GIT2: variants seen among roughly 807,000 people sequenced by gnomAD.
GIT2 encodes ARF GTPase-activating protein GIT2.
GIT2 carries 32 observed loss-of-function variants against 100.3 expected under a neutral mutation model. That is an observed-to-expected ratio of 0.32 (90% CI 0.24 to 0.43). The LOEUF (loss-of-function observed/expected upper bound fraction) is 0.43. Among genes scored for constraint, GIT2 ranks in the 20% least tolerant of loss-of-function variants. GIT2 has a pLI of 1.00. For missense variants in GIT2, 737 were observed against 975.1 expected (o/e 0.76, Z 3.25); for synonymous variants, 353 against 364.1 (o/e 0.97, Z 0.35).
intron 11 of GIT2, among the ~76,000 whole-genome samples, chr12:109,960,767 A>G: frequency 6.6e-6 from 1 of 152,222 alleles, no homozygotes; most frequent in East Asian, 1.9e-4. Context: ...AATCACGTGC[A>G]TAAATCTATT....
intron 10 of GIT2, 73 bp from the exon 11 acceptor site, chr12:109,961,448 C>T (rs532685386): frequency 1.6e-5 from 17 of 1,035,530 alleles, no homozygotes; most frequent in African/African-American, 7.8e-5. Context: ...GCACAGCTCA[C>T]GCACTACGAG....
chr12:109,983,855 A>G, intron 4 of GIT2, 161 bp from the exon 5 acceptor site: 2 of 581,704 alleles, frequency 3.4e-6, no homozygotes, highest in South Asian at 2.0e-5. Flanking sequence ...GCCAGTCACA[A>G]CTGTCCCTGG....
chr12:109,936,680 C>A (rs1302600559), intron 18 of GIT2, among the ~76,000 whole-genome samples: 3 of 152,070 alleles, frequency 2.0e-5, no homozygotes, highest in Non-Finnish European at 4.4e-5. Context: ...CCAGCCTGGC[C>A]AACATGGTGA....
At chr12:109,986,620 C>A (rs1354941909) in intron 4 of GIT2, among the ~76,000 whole-genome samples, 1 of 152,160 alleles carries the variant, frequency 6.6e-6, no homozygotes, top group East Asian at 1.9e-4. Flanking sequence ...AAAAAATTAG[C>A]CGGGTGTGGT....
chr12:109,935,116 A>ATTACATT (rs938189470), intron 18 of GIT2, among the ~76,000 whole-genome samples: 22 of 152,062 alleles, frequency 1.4e-4, no homozygotes, highest in Non-Finnish European at 2.6e-4. Flanking sequence ...AAATTAAACC[A>ATTACATT]TTACATTTCA....
chr12:109,981,847 A>G (rs34543296), intron 6 of GIT2: 5,950 of 152,310 alleles, frequency 0.039, 171 homozygotes, highest in South Asian at 0.076. Flanking sequence ...TTTGTCCTTA[A>G]AAGTAATGGC....
At chr12:109,983,877 G>T (rs770338597) in intron 4 of GIT2, 183 bp from the exon 5 acceptor site, 1 of 554,346 alleles carries the variant, frequency 1.8e-6, no homozygotes, top group Non-Finnish European at 3.2e-6. Flanking sequence ...CTGTAAGGTG[G>T]AGTGAGGCCA....
At chr12:109,993,901 A>G (rs913356350) in intron 1 of GIT2, among the ~76,000 whole-genome samples, 3 of 152,028 alleles carry the variant, frequency 2.0e-5, no homozygotes, top group Non-Finnish European at 4.4e-5. Flanking sequence ...AGATGTGATC[A>G]TGGTTAAATG....
At chr12:109,977,140 AT>A (rs1885263759) in intron 7 of GIT2, among the ~76,000 whole-genome samples, 1 of 152,014 alleles carries the variant, frequency 6.6e-6, no homozygotes. Context: ...AGTTATTTTC[AT>A]TGGATATAGA....
At chr12:109,941,768 G>A (rs1034400565) in intron 16 of GIT2, among the ~76,000 whole-genome samples, 1 of 151,584 alleles carries the variant, frequency 6.6e-6, no homozygotes, top group African/African-American at 2.4e-5. Flanking sequence ...TGATTTTCCC[G>A]CCTCAGCCTC....
At chr12:109,940,782 G>A (rs965586244) in intron 16 of GIT2, among the ~76,000 whole-genome samples, 4 of 152,062 alleles carry the variant, frequency 2.6e-5, no homozygotes, top group African/African-American at 9.7e-5. Flanking sequence ...GGGAGGCTGA[G>A]GTGAGATGAT....
chr12:109,937,267 G>A (rs2136149047), intron 18 of GIT2, among the ~76,000 whole-genome samples: 1 of 152,246 alleles, frequency 6.6e-6, no homozygotes, highest in African/African-American at 2.4e-5. Context: ...AGTAGTGCCA[G>A]GACTACAAAA....
chr12:109,951,602 C>G (rs572548687), intron 13 of GIT2, among the ~76,000 whole-genome samples: 33 of 152,320 alleles, frequency 2.2e-4, no homozygotes, highest in African/African-American at 7.7e-4. Context: ...GCCTTTCTCT[C>G]GTTCACTCTT....
intron 8 of GIT2, 93 bp downstream of exon 8, chr12:109,967,365 T>C (rs1277401206): frequency 1.3e-6 from 2 of 1,572,332 alleles, no homozygotes; most frequent in African/African-American, 2.7e-5. Context: ...ATGTATGGGC[T>C]TTGTTAAACA....
chr12:109,972,561 C>T (rs1467889282), intron 7 of GIT2, among the ~76,000 whole-genome samples: 2 of 151,862 alleles, frequency 1.3e-5, no homozygotes, highest in South Asian at 2.1e-4. Flanking sequence ...CTCTGCTTCC[C>T]GGGTTCTAAG....
chr12:109,997,699 C>T (rs898886870), upstream of GIT2: 3 of 152,178 alleles, frequency 2.0e-5, no homozygotes, highest in African/African-American at 7.2e-5. Context: ...ATGTGATACA[C>T]CTGCTGGATA....
At chr12:109,994,233 T>C (rs1888934285) in intron 1 of GIT2, among the ~76,000 whole-genome samples, 1 of 152,150 alleles carries the variant, frequency 6.6e-6, no homozygotes. Context: ...CAGAATCCCA[T>C]GGAAAGAATA....
chr12:109,959,857 C>A lies in GIT2; in HGVS notation c.1089G>T (p.Ser363=). 1 of 1,605,746 alleles carries A rather than the reference C, an allele frequency of 6.2e-7. No homozygotes were observed. Among genetic ancestry groups the A allele is most frequent in the Middle Eastern group, 1.7e-4 (1 of 6,058 alleles). ...AKRRQQGSSL[S]GSKDNVELIL... is the part of the protein sequence containing the mutation. ...GGTTTGAGCAGTTACCTTTTGAACCCGAGAGAGAACTGCCCTGCTGTCTCC... is the reference window on the plus strand; with the variant it reads ...GGTTTGAGCAGTTACCTTTTGAACCAGAGAGAGAACTGCCCTGCTGTCTCC... Residue 363 remains serine, a synonymous_variant, in exon 12 of 20, where the codon TCG becomes TCT. Transcript: ENST00000355312.
In GIT2 at chr12:109,981,311, A is replaced by G. The variant is rs1593124039; in HGVS notation, c.624-265T>C. On this transcript the variant is annotated intron_variant, in intron 6 of 19. Transcript: ENST00000355312. ...GAAATTCAAAGACTTATGAGAGGGA[A>G]GGATACAGAATGACTTAATTTAATG... 5 of 352,630 alleles carry G rather than the reference A, an allele frequency of 1.4e-5. No homozygotes were observed. In the East Asian group the frequency reaches 2.7e-4, roughly 19 times the overall value. 21.8% of individuals were successfully genotyped at this position (352,630 alleles called of 1,614,324 possible).
Sources: gnomAD v4.1 joint callset for allele counts (sites outside exome capture counted in the v4.1 genomes callset) on GRCh38, gnomAD v4.1.1 for gene constraint, MANE v1.5 for transcripts, NCBI Gene and HGNC (gene_info 2026-07-23, HGNC 2026-07-21) for gene names.